Variants in AK2 observed in about 807,000 individuals in gnomAD.
AK2 encodes adenylate kinase 2, mitochondrial.
AK2 carries 15 observed loss-of-function variants against 24.6 expected under a neutral mutation model. The observed-to-expected ratio is 0.61, with a 90% confidence interval of 0.41 to 0.94. AK2 has a LOEUF of 0.94. Among genes scored for constraint, AK2 ranks in the 40% least tolerant of loss-of-function variants. AK2 has a pLI of 0.00. For synonymous variants in AK2, 102 were observed against 114.0 expected, an observed-to-expected ratio of 0.90 and a Z score of 0.67; for missense variants, 257 against 304.1, an observed-to-expected ratio of 0.85 and a Z score of 1.15.
chr1:33,026,084 A>ACTC (rs1639860102), intron 1 of AK2, among the ~76,000 whole-genome samples: 1 of 152,238 alleles, frequency 6.6e-6, no homozygotes, highest in African/African-American at 2.4e-5. Flanking sequence ...TTTACAAGGA[A>ACTC]TATAATCAGT....
At chr1:33,034,582 G>A (rs989587603) in intron 1 of AK2, among the ~76,000 whole-genome samples, 6 of 152,036 alleles carry the variant, frequency 3.9e-5, no homozygotes, top group Admixed American at 3.9e-4. Flanking sequence ...CCCAATGTTA[G>A]GTGCTCATGA....
chr1:33,015,659 G>C (rs1639138082), intron 4 of AK2, among the ~76,000 whole-genome samples: 1 of 152,162 alleles, frequency 6.6e-6, no homozygotes, highest in South Asian at 2.1e-4. Context: ...GGGAGGCTGA[G>C]GGGGGCAGAT....
At position 33,013,133 on chromosome 1, in the gene AK2, AC is replaced by A; in HGVS notation, c.*47del. 6.2e-7 allele frequency: 1 copy of A among 1,613,828 alleles called. No homozygotes were observed. Among genetic ancestry groups the A allele is most frequent in the Non-Finnish European group, 8.5e-7 (1 of 1,180,008 alleles). ...TCTCTTTGCCTGTCCTATCATTCCCACCCATTGCCTCACAGGGATGGAAAGA... is the reference window on the plus strand; with the variant it reads ...TCTCTTTGCCTGTCCTATCATTCCCACCATTGCCTCACAGGGATGGAAAGA... On this transcript the variant is annotated 3_prime_UTR_variant, in exon 6 of 6. Transcript: ENST00000672715.
intron 1 of AK2, among the ~76,000 whole-genome samples, chr1:33,027,982 C>T (rs1337750464): frequency 6.6e-6 from 1 of 152,106 alleles, no homozygotes; most frequent in Non-Finnish European, 1.5e-5. Context: ...GACTACTTCA[C>T]AGGGTTCTTA....
At chr1:33,028,241 C>T (rs141296653) in intron 1 of AK2, among the ~76,000 whole-genome samples, 617 of 152,222 alleles carry the variant, frequency 4.1e-3, no homozygotes, top group African/African-American at 0.014. Flanking sequence ...CGGTGGCTCA[C>T]GCCTGTAATC....
At chr1:33,033,137 G>A (rs1392217424) in intron 1 of AK2, among the ~76,000 whole-genome samples, 1 of 149,366 alleles carries the variant, frequency 6.7e-6, no homozygotes, top group African/African-American at 2.5e-5. Flanking sequence ...TCCAGCCTGG[G>A]CAACAGAGCG....
chr1:33,036,761 G>A lies in AK2; in HGVS notation c.68C>T (p.Pro23Leu), dbSNP rs1416181470. The change falls in exon 1 of 6, where the codon CCT (proline) becomes CTT (leucine). Residue 23 changes from proline to leucine, a missense_variant. By Grantham distance (98) the Pro-to-Leu change is moderately conservative. Coordinates refer to ENST00000672715, the MANE Select transcript of AK2 (RefSeq NM_001625.4). ...PKGIRAVLLG[P>L]PGAGKGTQAP... ...CTGGGTCCCTTTACCGGCCCCGGGA[G>A]GCCCCAGCAGCACGGCCCGGATGCC... 1.3e-6 allele frequency: 2 copies of A among 1,596,468 alleles called. No individual in the cohort carries two copies. The highest frequency in any genetic ancestry group is 4.5e-5 in the East Asian group (2 of 44,254).
intron 4 of AK2, among the ~76,000 whole-genome samples, chr1:33,018,678 T>A (rs1256796129): frequency 6.6e-6 from 1 of 152,202 alleles, no homozygotes; most frequent in Non-Finnish European, 1.5e-5. Flanking sequence ...ATGGAGGGAA[T>A]GAATCTTCTC....
At chr1:33,014,894 A>G (rs1639084763) in intron 4 of AK2, among the ~76,000 whole-genome samples, 1 of 152,264 alleles carries the variant, frequency 6.6e-6, no homozygotes, top group Non-Finnish European at 1.5e-5. Context: ...ACAGCCATCC[A>G]TTCTGTTCAC....
At chr1:33,019,236 G>C (rs1031454868) in intron 4 of AK2, among the ~76,000 whole-genome samples, 1 of 152,160 alleles carries the variant, frequency 6.6e-6, no homozygotes, top group Non-Finnish European at 1.5e-5. Flanking sequence ...GACTCTCTGA[G>C]GTCAGAGATG....
intron 2 of AK2, among the ~76,000 whole-genome samples, chr1:33,023,637 G>T (rs1639689482): frequency 6.6e-6 from 1 of 152,096 alleles, no homozygotes; most frequent in African/African-American, 2.4e-5. Context: ...TGTCACAACT[G>T]CGAAGTAATT....
In AK2 at chr1:33,012,621, G is replaced by C. The variant is rs1299721725; in HGVS notation, c.*560C>G. On this transcript the variant is annotated 3_prime_UTR_variant, in exon 6 of 6. Coordinates refer to ENST00000672715, the MANE Select transcript of AK2 (RefSeq NM_001625.4). ...TTAAAGAAGTAAACAGCTGGGCTGG[G>C]TGTAGTGGCTCACGTCTGTGATCCT... is the stretch of plus-strand genomic sequence containing the variant. 3 of 1,289,686 alleles carry C rather than the reference G, an allele frequency of 2.3e-6. No homozygotes were observed. In the African/African-American group the frequency reaches 4.6e-5, roughly 20 times the overall value. The allele number at this position is 1,289,686 out of a possible 1,614,324, so 79.9% of individuals were successfully genotyped here. A position where few individuals can be genotyped will look rare whatever the true frequency, so the allele number is the denominator to read the frequency against.
chr1:33,028,823 G>A (rs778518234), intron 1 of AK2, among the ~76,000 whole-genome samples: 1 of 152,148 alleles, frequency 6.6e-6, no homozygotes, highest in Non-Finnish European at 1.5e-5. Context: ...CAATCATCTA[G>A]GGCATTTCCT....
intron 1 of AK2, among the ~76,000 whole-genome samples, chr1:33,033,476 T>G (rs758715314): frequency 4.6e-5 from 7 of 152,170 alleles, no homozygotes; most frequent in Non-Finnish European, 7.3e-5. Context: ...ACACTCCAGC[T>G]TGGGCAACTG....
intron 1 of AK2, chr1:33,029,208 A>G (rs564750375): frequency 1.3e-5 from 2 of 152,280 alleles, no homozygotes; most frequent in East Asian, 3.9e-4. Flanking sequence ...CCTTGTAACC[A>G]TCATCTTCTT....
Position 33,009,243 on chromosome 1 carries a change from A to T in AK2, c.*3938T>A, listed in dbSNP as rs1199415356. ...ACAACAGTCATTTCTCAGAAACCTC[A>T]CTTGCAAAGGCAGCCCTTCCAAAAA... On this transcript the variant is annotated 3_prime_UTR_variant, in exon 6 of 6. Transcript: ENST00000672715. The T allele has an allele frequency of 2.2e-6, 1 of 453,982 alleles. No individual in the cohort carries two copies. The highest frequency in any genetic ancestry group is 2.4e-5 in the Admixed American group (1 of 42,544). The allele number at this position is 453,982 out of a possible 1,614,324, so 28.1% of individuals were successfully genotyped here. A position where few individuals can be genotyped will look rare whatever the true frequency, so the allele number is the denominator to read the frequency against.
At chr1:33,028,504 GAA>G (rs1188182797) in intron 1 of AK2, among the ~76,000 whole-genome samples, 6 of 129,788 alleles carry the variant, frequency 4.6e-5, no homozygotes, top group African/African-American at 1.4e-4. Context: ...TCCGTCTCAA[GAA>G]AAAAAAAAAA....
In AK2 at chr1:33,012,608, A is replaced by G; in HGVS notation, c.*573T>C. 7.7e-7 allele frequency: 1 copy of G among 1,290,452 alleles called. No individual in the cohort carries two copies. The highest frequency in any genetic ancestry group is 1.0e-6 in the Non-Finnish European group (1 of 991,040). 79.9% of individuals were successfully genotyped at this position (1,290,452 alleles called of 1,614,324 possible). ...ATCAAAAGTATGGTTAAAGAAGTAAACAGCTGGGCTGGGTGTAGTGGCTCA... is the reference window on the plus strand; with the variant it reads ...ATCAAAAGTATGGTTAAAGAAGTAAGCAGCTGGGCTGGGTGTAGTGGCTCA... On this transcript the variant is annotated 3_prime_UTR_variant, in exon 6 of 6. Coordinates refer to ENST00000672715, the MANE Select transcript of AK2 (RefSeq NM_001625.4).
chr1:33,027,095 A>C (rs574048877), intron 1 of AK2, among the ~76,000 whole-genome samples: 1 of 152,262 alleles, frequency 6.6e-6, no homozygotes, highest in Middle Eastern at 3.4e-3. Flanking sequence ...CCGGGCGAAG[A>C]AGCAAGACTA....
Sources: gnomAD v4.1 joint callset for allele counts (sites outside exome capture counted in the v4.1 genomes callset) on GRCh38, gnomAD v4.1.1 for gene constraint, MANE v1.5 for transcripts, NCBI Gene and HGNC (gene_info 2026-07-23, HGNC 2026-07-21) for gene names.